Variants in LSAMP observed in about 807,000 individuals in gnomAD.
LSAMP encodes limbic system associated membrane protein.
A neutral mutation model predicts 38.6 loss-of-function variants in LSAMP; 7 were observed. The ratio of observed to expected loss-of-function variants is 0.18; its 90% confidence interval spans 0.10 to 0.34. The LOEUF (loss-of-function observed/expected upper bound fraction) is 0.34. Among genes scored for constraint, LSAMP ranks in the 10% least tolerant of loss-of-function variants. LSAMP has a pLI of 1.00. For synonymous variants in LSAMP, 154 were observed against 166.8 expected, an observed-to-expected ratio of 0.92 and a Z score of 0.59; for missense variants, 313 against 420.0, an observed-to-expected ratio of 0.75 and a Z score of 2.23.
At chr3:116,325,418 A>G (rs189304095) in intron 1 of LSAMP, among the ~76,000 whole-genome samples, 5 of 152,218 alleles carry the variant, frequency 3.3e-5, no homozygotes, top group African/African-American at 9.6e-5. Flanking sequence ...CAGTGTCTCT[A>G]TGATTGTAAA....
chr3:116,158,408 C>T (rs1709806598), intron 1 of LSAMP, among the ~76,000 whole-genome samples: 1 of 152,162 alleles, frequency 6.6e-6, no homozygotes, highest in South Asian at 2.1e-4. Context: ...GTCAAAGTAT[C>T]TCTGTTTGCA....
chr3:116,155,207 G>A (rs1709716890), intron 1 of LSAMP, among the ~76,000 whole-genome samples: 1 of 151,732 alleles, frequency 6.6e-6, no homozygotes, highest in Non-Finnish European at 1.5e-5. Context: ...GGCAGGTATT[G>A]AGGTCTGTTT....
At chr3:116,427,386 C>T (rs563498408) in intron 1 of LSAMP, among the ~76,000 whole-genome samples, 254 of 152,156 alleles carry the variant, frequency 1.7e-3, no homozygotes, top group African/African-American at 5.8e-3. Flanking sequence ...TCCCAAAGTG[C>T]TGGGATTACA....
rs112136875 is a variant in LSAMP, at chr3:116,086,876, G to A, written c.156-320C>T. Among the ~76,000 whole-genome samples the A allele has an allele frequency of 5.9e-3, 897 of 152,220 alleles. 8 individuals carry two copies. Among genetic ancestry groups the A allele is most frequent in the African/African-American group, 0.019 (806 of 41,538 alleles). On this transcript the variant is annotated intron_variant, in intron 1 of 6. Transcript: ENST00000490035. ...GAAAAGGCCACTCACTCAGAACTCC[G>A]TCTGTTTAAGTAATTTTGAGAATTA...
intron 3 of LSAMP, among the ~76,000 whole-genome samples, chr3:115,858,351 A>G (rs138867342): frequency 9.9e-5 from 15 of 152,266 alleles, no homozygotes; most frequent in African/African-American, 3.4e-4. Context: ...TTTTTTACAG[A>G]CTATTGCTCT....
At chr3:116,272,806 T>C (rs565824984) in intron 1 of LSAMP, among the ~76,000 whole-genome samples, 1 of 152,314 alleles carries the variant, frequency 6.6e-6, no homozygotes, top group African/African-American at 2.4e-5. Flanking sequence ...ATTAACATGA[T>C]TTTAAAAAAT....
At chr3:116,208,445 G>A (rs1251088611) in intron 1 of LSAMP, among the ~76,000 whole-genome samples, 4 of 152,206 alleles carry the variant, frequency 2.6e-5, no homozygotes, top group African/African-American at 9.7e-5. Flanking sequence ...TGCTGGTGAG[G>A]AACTGCATTC....
chr3:116,435,818 T>A (rs1218168652), intron 1 of LSAMP, among the ~76,000 whole-genome samples: 12 of 152,124 alleles, frequency 7.9e-5, no homozygotes, highest in Non-Finnish European at 1.6e-4. Context: ...TCCATCCTAA[T>A]CAGGGTCCCT....
At chr3:115,838,120 A>C (rs1019590757) in intron 6 of LSAMP, 6 of 152,276 alleles carry the variant, frequency 3.9e-5, no homozygotes, top group Admixed American at 2.0e-4. Flanking sequence ...ATGAATAGCC[A>C]CTGCACTCCA....
chr3:116,155,282 T>C (rs796261605), intron 1 of LSAMP, among the ~76,000 whole-genome samples: 23 of 152,202 alleles, frequency 1.5e-4, no homozygotes, highest in African/African-American at 5.3e-4. Flanking sequence ...TGGAGTGCAA[T>C]GGCATGATCT....
At chr3:116,227,316 C>G (rs900319845) in intron 1 of LSAMP, among the ~76,000 whole-genome samples, 1 of 152,138 alleles carries the variant, frequency 6.6e-6, no homozygotes, top group African/African-American at 2.4e-5. Flanking sequence ...AGAAATATCT[C>G]CCAGCTAAAG....
intron 1 of LSAMP, among the ~76,000 whole-genome samples, chr3:116,413,899 T>TTA (rs1292645521): frequency 1.1e-5 from 1 of 93,016 alleles, no homozygotes; most frequent in Admixed American, 1.1e-4. Context: ...TCACAGAAAA[T>TTA]TACAAAAAAA....
intron 1 of LSAMP, among the ~76,000 whole-genome samples, chr3:116,176,748 T>G (rs1710354429): frequency 6.6e-6 from 1 of 152,120 alleles, no homozygotes; most frequent in African/African-American, 2.4e-5. Flanking sequence ...GGGTCATTTT[T>G]TGAGGGGAAG....
chr3:115,930,013 T>G (rs1304039594), intron 3 of LSAMP, among the ~76,000 whole-genome samples: 1 of 139,948 alleles, frequency 7.1e-6, no homozygotes, highest in African/African-American at 2.6e-5. Flanking sequence ...TTTTTTTTTT[T>G]TTTTTTTTTT....
At chr3:116,114,052 G>A (rs1003021559) in intron 1 of LSAMP, among the ~76,000 whole-genome samples, 3 of 152,110 alleles carry the variant, frequency 2.0e-5, no homozygotes, top group Admixed American at 1.3e-4. Context: ...AGGAACCAAG[G>A]ATTGCTAAGA....
chr3:116,155,173 T>A (rs1039683589), intron 1 of LSAMP, among the ~76,000 whole-genome samples: 2 of 152,120 alleles, frequency 1.3e-5, no homozygotes, highest in African/African-American at 2.4e-5. Context: ...ATGTCTGTTC[T>A]CATTCACTGG....
chr3:115,878,446 T>C (rs1471914229), intron 3 of LSAMP, among the ~76,000 whole-genome samples: 3 of 142,952 alleles, frequency 2.1e-5, no homozygotes, highest in African/African-American at 7.7e-5. Context: ...TTTGAGAACA[T>C]GCTATTCTTT....
chr3:115,912,726 T>A (rs1333306181), intron 3 of LSAMP, among the ~76,000 whole-genome samples: 3 of 152,186 alleles, frequency 2.0e-5, no homozygotes, highest in African/African-American at 4.8e-5. Flanking sequence ...TTTAAAAAAT[T>A]TTTTGTCTTC....
At chr3:116,282,145 G>T (rs1208690281) in intron 1 of LSAMP, among the ~76,000 whole-genome samples, 1 of 152,190 alleles carries the variant, frequency 6.6e-6, no homozygotes, top group Non-Finnish European at 1.5e-5. Flanking sequence ...ATGCTGGGCA[G>T]GACTTCATTG....
Sources: allele counts gnomAD v4.1 joint callset (sites outside exome capture counted in the v4.1 genomes callset), GRCh38; gene constraint gnomAD v4.1.1; transcripts MANE v1.5; gene names NCBI Gene and HGNC (gene_info 2026-07-23, HGNC 2026-07-21).